Variants in MSH5 observed in about 807,000 individuals in gnomAD.
MSH5 encodes the protein mutS homolog 5.
A neutral mutation model predicts 107.7 loss-of-function variants in MSH5; 78 were observed. The ratio of observed to expected loss-of-function variants is 0.72; its 90% confidence interval spans 0.60 to 0.87. The LOEUF (loss-of-function observed/expected upper bound fraction) is 0.87, where lower values mean the gene tolerates loss of function less well. Among genes scored for constraint, MSH5 ranks in the 40% least tolerant of loss-of-function variants. The pLI is 0.00. For missense variants in MSH5, 889 were observed against 1,046.6 expected, an observed-to-expected ratio of 0.85 and a Z score of 2.08; for synonymous variants, 326 against 399.5, an observed-to-expected ratio of 0.82 and a Z score of 2.19.
Position 31,740,548 on chromosome 6 carries a change from GC to G in MSH5, c.86del (p.Pro29GlnfsTer82). The G allele has an allele frequency of 6.5e-7, 1 of 1,528,946 alleles. No individual in the cohort carries two copies. Among genetic ancestry groups the G allele is most frequent in the Admixed American group, 2.2e-5 (1 of 45,794 alleles). 94.7% of individuals were successfully genotyped at this position (1,528,946 alleles called of 1,614,324 possible). The part of the protein sequence containing the change: ...GAASSGFPSP[A>X]PVPGPREAEE... The stretch of plus-strand genomic sequence containing the variant: ...GGCCTCCTCCGGCTTCCCCAGCCCG[GC>G]CCCAGTGCCGGGCCCCAGGGAGGCC... On this transcript the variant is annotated frameshift_variant, in exon 2 of 25. Coordinates refer to ENST00000375750, the MANE Select transcript of MSH5 (RefSeq NM_172166.4). LOFTEE classifies it high-confidence loss of function. This position sits in a 1 kb window ranked among gnomAD's most constrained non-coding sequence, Gnocchi z 4.4.
At chr6:31,756,048 T>A (rs1810418123) in intron 12 of MSH5, among the ~76,000 whole-genome samples, 1 of 123,322 alleles carries the variant, frequency 8.1e-6, no homozygotes, top group South Asian at 3.2e-4. Flanking sequence ...GGTTCAGAGT[T>A]TTTTTTTTTT....
In MSH5 at chr6:31,753,451, G is replaced by A. The variant is rs1280509851; in HGVS notation, c.951+12G>A. On this transcript the variant is annotated intron_variant, in intron 11 of 24. Coordinates refer to ENST00000375750, the MANE Select transcript of MSH5 (RefSeq NM_172166.4). ...TCAAGAACGTGCCTGTGAGCCCAGGGTGGAGGGCAGGGAGGTGGGGAAGGA... is the reference window on the plus strand; with the variant it reads ...TCAAGAACGTGCCTGTGAGCCCAGGATGGAGGGCAGGGAGGTGGGGAAGGA... The A allele has an allele frequency of 6.2e-7, 1 of 1,612,924 alleles. No homozygotes were observed. The highest frequency in any genetic ancestry group is 1.3e-5 in the African/African-American group (1 of 74,872).
In MSH5 at chr6:31,762,166, A is replaced by C. The variant is rs1484396931; in HGVS notation, c.2374A>C (p.Lys792Gln). ...KPIKPVKDLL[K>Q]KNQMENCQTL... is the part of the protein sequence containing the mutation. ...CATCAAGCCTGTCAAGGATTTGCTAAAGAAGAACCAAATGGAAAAGTGCGT... is the reference window on the plus strand; with the variant it reads ...CATCAAGCCTGTCAAGGATTTGCTACAGAAGAACCAAATGGAAAAGTGCGT... The change falls in exon 24 of 25, where the codon AAG becomes CAG. Residue 792 changes from lysine to glutamine, a missense_variant. Lys to Gln is a moderately conservative substitution (Grantham distance 53). Transcript: ENST00000375750. 3.1e-6 allele frequency: 5 copies of C among 1,614,058 alleles called. No individual in the cohort carries two copies. In the African/African-American group the frequency reaches 4.0e-5, roughly 13 times the overall value.
In MSH5 at chr6:31,759,852, G is replaced by A. The variant is rs1431554863; in HGVS notation, c.1562G>A (p.Arg521Gln). The change falls in exon 18 of 25, where the codon CGA (arginine) becomes CAA (glutamine). Residue 521 changes from arginine to glutamine, a missense_variant. This residue lies in a region of MSH5 where 362 missense variants were observed against 456.2 expected (regional missense o/e 0.79). Coordinates refer to ENST00000375750, the MANE Select transcript of MSH5 (RefSeq NM_172166.4). The surrounding 1 kb of genome is among the most constrained non-coding windows in gnomAD (Gnocchi z 4.7). ...CTGGCACGAGCAGCTGTCTTAACCC[G>A]AGTATTGGACCTTGCCTCCCGCCTG... is the stretch of plus-strand genomic sequence containing the variant. ...QVLARAAVLT[R>Q]VLDLASRLDV... 1.3e-5 allele frequency: 21 copies of A among 1,614,076 alleles called. No individual in the cohort carries two copies. The highest frequency in any genetic ancestry group is 1.7e-5 in the Non-Finnish European group (20 of 1,180,038).
At chr6:31,741,336 TACACACACACACACACACACACACAC>T (rs9279401) in intron 3 of MSH5, 50 bp downstream of exon 3, 135 of 897,364 alleles carry the variant, frequency 1.5e-4, no homozygotes, top group Non-Finnish European at 1.9e-4. Context: ...GCAGATGTGT[TACACACACACACACACACACACACAC>T]ACACACACAC....
Position 31,760,006 on chromosome 6 carries a change from A to C in MSH5, c.1685+31A>C. 1 of 1,613,184 alleles carries C rather than the reference A, an allele frequency of 6.2e-7. No homozygotes were observed. The highest frequency in any genetic ancestry group is 1.1e-5 in the South Asian group (1 of 91,050). On this transcript the variant is annotated intron_variant, in intron 18 of 24. Coordinates refer to ENST00000375750, the MANE Select transcript of MSH5 (RefSeq NM_172166.4). The surrounding 1 kb of genome is among the most constrained non-coding windows in gnomAD (Gnocchi z 5.6). The stretch of plus-strand genomic sequence containing the variant: ...AATAGAGGCGGGTGGAGGAATAGAC[A>C]TGAGGGGCCCAAAGGCTACATCTTC...
At position 31,760,280 on chromosome 6, in the gene MSH5, C is replaced by A; in HGVS notation, c.1812+64C>A. ...CTGCATCTACTCCACCCCTACTTGC[C>A]AGCCAACTCAGGCTCCTGCAGCTCT... On this transcript the variant is annotated intron_variant, in intron 19 of 24. Transcript: ENST00000375750. This position sits in a 1 kb window ranked among gnomAD's most constrained non-coding sequence, Gnocchi z 5.6. 6.6e-7 allele frequency: 1 copy of A among 1,515,940 alleles called. No individual in the cohort carries two copies. Among genetic ancestry groups the A allele is most frequent in the South Asian group, 1.3e-5 (1 of 75,488 alleles). 93.9% of individuals were successfully genotyped at this position (1,515,940 alleles called of 1,614,324 possible).
chr6:31,755,031 C>T (rs1228096588), intron 12 of MSH5, among the ~76,000 whole-genome samples: 1 of 152,078 alleles, frequency 6.6e-6, no homozygotes, highest in Admixed American at 6.6e-5. Context: ...GGATTACAGG[C>T]GTGAGCCACC....
At chr6:31,743,309 TC>T (rs1456050074) in intron 5 of MSH5, 139 bp downstream of exon 5, 7 of 854,436 alleles carry the variant, frequency 8.2e-6, no homozygotes, top group South Asian at 1.5e-5. Flanking sequence ...CTATGACCTG[TC>T]CCCCCAAGAT....
intron 12 of MSH5, among the ~76,000 whole-genome samples, chr6:31,755,077 A>G (rs1351414313): frequency 6.6e-6 from 1 of 152,126 alleles, no homozygotes; most frequent in East Asian, 1.9e-4. Context: ...TTTCTAAAAG[A>G]AAATTATTTT....
chr6:31,758,328 G>A lies in MSH5; in HGVS notation c.1143+35G>A, dbSNP rs762702942. The A allele has an allele frequency of 6.2e-7, 1 of 1,609,508 alleles. No individual in the cohort carries two copies. The highest frequency in any genetic ancestry group is 1.3e-5 in the African/African-American group (1 of 74,862). On this transcript the variant is annotated intron_variant, in intron 13 of 24. Coordinates refer to ENST00000375750, the MANE Select transcript of MSH5 (RefSeq NM_172166.4). This position sits in a 1 kb window ranked among gnomAD's most constrained non-coding sequence, Gnocchi z 5.1. Reference sequence around the variant, plus strand: ...AGGAAAAAGGGAGTGCACCCAGGGAGGTCAGGGAGAGAGAATGCAGTGTGC... The same window carrying A: ...AGGAAAAAGGGAGTGCACCCAGGGAAGTCAGGGAGAGAGAATGCAGTGTGC...
chr6:31,743,100 C>G lies in MSH5; in HGVS notation c.353-8C>G, dbSNP rs370416238. The G allele has an allele frequency of 2.5e-6, 4 of 1,612,828 alleles. No homozygotes were observed. Among genetic ancestry groups the G allele is most frequent in the Non-Finnish European group, 3.4e-6 (4 of 1,179,996 alleles). ...AAGAATGATAGCCTTTTCTTTCCTC[C>G]CCCACAGCCTCCCAGGAGCACAGAG... On this transcript the variant is annotated splice_region_variant and splice_polypyrimidine_tract_variant and intron_variant, in intron 4 of 24. Coordinates refer to ENST00000375750, the MANE Select transcript of MSH5 (RefSeq NM_172166.4).
At chr6:31,750,941 C>G (rs1305179610) in intron 10 of MSH5, among the ~76,000 whole-genome samples, 27 of 152,168 alleles carry the variant, frequency 1.8e-4, no homozygotes, top group Admixed American at 1.5e-3. Context: ...AATAAGTATA[C>G]AGGGATACCC....
chr6:31,759,699 C>A lies in MSH5; in HGVS notation c.1496-87C>A. ...TGAGGTCTCAGATTGTATCTGCAAC[C>A]TGTTTCCAGATCCCCCTAGGGGCCT... is the stretch of plus-strand genomic sequence containing the variant. On this transcript the variant is annotated intron_variant, in intron 17 of 24. Transcript: ENST00000375750. The surrounding 1 kb of genome is among the most constrained non-coding windows in gnomAD (Gnocchi z 4.7). The A allele has an allele frequency of 6.8e-7, 1 of 1,478,388 alleles. No individual in the cohort carries two copies. The highest frequency in any genetic ancestry group is 9.3e-7 in the Non-Finnish European group (1 of 1,080,630). The allele number at this position is 1,478,388 out of a possible 1,614,324, so 91.6% of individuals were successfully genotyped here. A position where few individuals can be genotyped will look rare whatever the true frequency, so the allele number is the denominator to read the frequency against.
At chr6:31,751,920 G>A (rs997746459) in intron 10 of MSH5, among the ~76,000 whole-genome samples, 11 of 151,688 alleles carry the variant, frequency 7.3e-5, no homozygotes, top group Non-Finnish European at 1.5e-4. Flanking sequence ...CCAACACAGC[G>A]AAACCCTATC....
At position 31,758,131 on chromosome 6, in the gene MSH5, G is replaced by T; in HGVS notation, c.1015-34G>T. 6.2e-7 allele frequency: 1 copy of T among 1,612,354 alleles called. No homozygotes were observed. The highest frequency in any genetic ancestry group is 1.1e-5 in the South Asian group (1 of 91,076). ...ATCACCACCTCAACCCGAGCTGGAT[G>T]TGGCCTGTCCTCCTTTTTGTGTTTC... On this transcript the variant is annotated intron_variant, in intron 12 of 24. Transcript: ENST00000375750. This position sits in a 1 kb window ranked among gnomAD's most constrained non-coding sequence, Gnocchi z 5.1.
At chr6:31,744,963 A>C (rs1809280437) in intron 8 of MSH5, among the ~76,000 whole-genome samples, 1 of 152,034 alleles carries the variant, frequency 6.6e-6, no homozygotes, top group Non-Finnish European at 1.5e-5. Flanking sequence ...TATAAAAATT[A>C]GCTGGGTGTG....
chr6:31,748,465 C>G (rs552553638), intron 10 of MSH5, among the ~76,000 whole-genome samples: 1 of 151,126 alleles, frequency 6.6e-6, no homozygotes, highest in Non-Finnish European at 1.5e-5. Flanking sequence ...TCTTCTGCCT[C>G]AGCCTCCCAA....
intron 12 of MSH5, among the ~76,000 whole-genome samples, chr6:31,755,419 A>G (rs982738209): frequency 2.0e-5 from 3 of 151,558 alleles, no homozygotes; most frequent in East Asian, 1.9e-4. Context: ...CTGGAGTGCA[A>G]TGGTGTGATC....
Sources: gnomAD v4.1 joint callset for allele counts (sites outside exome capture counted in the v4.1 genomes callset) on GRCh38, gnomAD v4.1.1 for gene constraint, gnomAD v4.1.1 regional missense constraint, Gnocchi (gnomAD v3.1) non-coding constraint, MANE v1.5 for transcripts, NCBI Gene and HGNC (gene_info 2026-07-23, HGNC 2026-07-21) for gene names.